RAB38: variants seen among roughly 807,000 people sequenced by gnomAD.
The protein encoded by RAB38 is RAB38, member RAS oncogene family, also known as ras-related protein Rab-38.
Under a neutral mutation model 18.4 loss-of-function variants are expected in RAB38, and 15 were observed. The observed-to-expected ratio is 0.82, with a 90% CI of 0.55 to 1.26. The LOEUF is 1.26. Among genes scored for constraint, RAB38 ranks in the 50% most tolerant of loss-of-function variants. The pLI is 0.00. For synonymous variants in RAB38, 101 were observed against 104.4 expected (o/e 0.97, Z 0.20); for missense variants, 294 against 267.4 (o/e 1.10, Z -0.69).
the RAB38 span, among the ~76,000 whole-genome samples, chr11:87,954,301 C>CAACA: frequency 1.3e-5 from 2 of 152,088 alleles, no homozygotes; most frequent in African/African-American, 4.8e-5. Context: ...ATGGTGGGAA[C>CAACA]AACAGCCAGA....
chr11:87,851,661 C>T, the RAB38 span, among the ~76,000 whole-genome samples: 2 of 152,120 alleles, frequency 1.3e-5, no homozygotes, highest in Admixed American at 1.3e-4. Flanking sequence ...TTTCCACTTA[C>T]TGAATTTTAA....
At chr11:87,811,991 T>A in the RAB38 span, among the ~76,000 whole-genome samples, 1 of 152,218 alleles carries the variant, frequency 6.6e-6, no homozygotes, top group Non-Finnish European at 1.5e-5. Flanking sequence ...ATACATTTTG[T>A]ATCCTTGTGG....
At chr11:87,889,238 C>G in the RAB38 span, among the ~76,000 whole-genome samples, 5 of 151,866 alleles carry the variant, frequency 3.3e-5, no homozygotes, top group Non-Finnish European at 7.4e-5. Context: ...ACTTCCCACC[C>G]TTCTCCACCT....
intron 1 of RAB38, among the ~76,000 whole-genome samples, chr11:88,163,231 C>T (rs777177031): frequency 2.4e-4 from 37 of 152,090 alleles, no homozygotes; most frequent in Non-Finnish European, 4.6e-4. Context: ...GAGGCTGTTA[C>T]TTTATGCTCA....
chr11:87,959,234 G>A, the RAB38 span, among the ~76,000 whole-genome samples: 1 of 152,076 alleles, frequency 6.6e-6, no homozygotes, highest in South Asian at 2.1e-4. Flanking sequence ...GCCTCATTGT[G>A]ATTAAGGGAA....
chr11:87,905,058 G>A, the RAB38 span, among the ~76,000 whole-genome samples: 2 of 151,538 alleles, frequency 1.3e-5, no homozygotes, highest in Admixed American at 1.3e-4. Flanking sequence ...AGTTTATTGA[G>A]AGTCTCTTCA....
At chr11:87,900,758 T>G in the RAB38 span, among the ~76,000 whole-genome samples, 13 of 139,546 alleles carry the variant, frequency 9.3e-5, no homozygotes, top group Non-Finnish European at 1.1e-4. Flanking sequence ...AGAAGGAAGA[T>G]GGAGGGAGGG....
At chr11:87,954,723 A>G in the RAB38 span, among the ~76,000 whole-genome samples, 2 of 152,224 alleles carry the variant, frequency 1.3e-5, no homozygotes, top group East Asian at 3.9e-4. Context: ...GGCTTCAACC[A>G]CAGTGGCAGG....
chr11:88,041,453 G>C, the RAB38 span, among the ~76,000 whole-genome samples: 1 of 152,186 alleles, frequency 6.6e-6, no homozygotes, highest in Non-Finnish European at 1.5e-5. Flanking sequence ...ATTACAATAA[G>C]TTTTGTTACA....
intron 2 of RAB38, among the ~76,000 whole-genome samples, chr11:88,120,990 G>A (rs577886047): frequency 6.6e-6 from 1 of 152,152 alleles, no homozygotes; most frequent in Non-Finnish European, 1.5e-5. Context: ...AAAGTGATCT[G>A]CCTAGCATCA....
the RAB38 span, among the ~76,000 whole-genome samples, chr11:87,940,866 A>G: frequency 1.3e-5 from 2 of 151,918 alleles, no homozygotes; most frequent in Non-Finnish European, 2.9e-5. Context: ...TCCTGACCTC[A>G]AGTGATTCTC....
At chr11:88,117,038 G>A (rs1375487372) in intron 2 of RAB38, among the ~76,000 whole-genome samples, 1 of 152,172 alleles carries the variant, frequency 6.6e-6, no homozygotes, top group African/African-American at 2.4e-5. Context: ...TTGTTTGCGA[G>A]TTTTAACACA....
At chr11:87,891,555 G>A in the RAB38 span, among the ~76,000 whole-genome samples, 2 of 151,764 alleles carry the variant, frequency 1.3e-5, no homozygotes, top group Non-Finnish European at 2.9e-5. Flanking sequence ...AAAGAACCGA[G>A]TTTCTGGGCA....
At chr11:88,017,768 G>A in the RAB38 span, among the ~76,000 whole-genome samples, 2,568 of 147,452 alleles carry the variant, frequency 0.017, 66 homozygotes, top group African/African-American at 0.063. Flanking sequence ...GAAGGTCACC[G>A]CAATTCCCTG....
At chr11:88,085,090 G>C in the RAB38 span, among the ~76,000 whole-genome samples, 2 of 151,832 alleles carry the variant, frequency 1.3e-5, no homozygotes, top group Non-Finnish European at 2.9e-5. Flanking sequence ...CACACCCCTA[G>C]GGATTAATGG....
the RAB38 span, among the ~76,000 whole-genome samples, chr11:88,059,483 T>C: frequency 6.6e-6 from 1 of 152,234 alleles, no homozygotes; most frequent in Non-Finnish European, 1.5e-5. Context: ...TGTTTCTAAA[T>C]GATCATGAAT....
chr11:87,947,257 T>A, the RAB38 span, among the ~76,000 whole-genome samples: 23 of 152,048 alleles, frequency 1.5e-4, no homozygotes, highest in Admixed American at 3.3e-4. Flanking sequence ...CTTGTAAATT[T>A]GTTTGAGTTC....
chr11:87,864,484 T>G, the RAB38 span, among the ~76,000 whole-genome samples: 1 of 151,672 alleles, frequency 6.6e-6, no homozygotes, highest in Non-Finnish European at 1.5e-5. Context: ...TTTGCAACTA[T>G]CTTGTCAGAA....
the RAB38 span, among the ~76,000 whole-genome samples, chr11:87,811,381 G>C: frequency 6.6e-6 from 1 of 152,178 alleles, no homozygotes; most frequent in African/African-American, 2.4e-5. Flanking sequence ...TGTTAGAAAG[G>C]CAGTGTCATA....
Sources: gnomAD v4.1 joint callset for allele counts (sites outside exome capture counted in the v4.1 genomes callset) on GRCh38, gnomAD v4.1.1 for gene constraint, MANE v1.5 for transcripts, NCBI Gene and HGNC (gene_info 2026-07-23, HGNC 2026-07-21) for gene names.